Variants in TMEM59L observed in about 807,000 individuals in gnomAD.
TMEM59L encodes the protein transmembrane protein 59 like.
In TMEM59L, 31 loss-of-function variants were observed where a neutral mutation model predicts 39.6. The observed-to-expected ratio is 0.78, with a 90% CI of 0.59 to 1.06. The LOEUF is 1.06. Ranked by LOEUF, TMEM59L falls within the 50% of genes least tolerant of loss-of-function variation. TMEM59L has a pLI of 0.00. For synonymous variants in TMEM59L, 219 were observed against 202.9 expected (o/e 1.08, Z -0.68); for missense variants, 441 against 451.3 (o/e 0.98, Z 0.21).
chr19:18,613,836 C>T, intron 1 of TMEM59L, 36 bp from the exon 2 acceptor site: 1 of 1,579,846 alleles, frequency 6.3e-7, no homozygotes, highest in South Asian at 1.1e-5. Flanking sequence ...CCTGCCCCTC[C>T]CCATGGCCTG....
chr19:18,619,597 G>C (rs1236536359), intron 7 of TMEM59L, among the ~76,000 whole-genome samples: 2 of 151,852 alleles, frequency 1.3e-5, no homozygotes, highest in Non-Finnish European at 2.9e-5. Flanking sequence ...GAGGTCAAGA[G>C]ATTGAGACCA....
intron 2 of TMEM59L, 34 bp downstream of exon 2, chr19:18,614,050 G>T: frequency 6.2e-7 from 1 of 1,613,064 alleles, no homozygotes. Context: ...GCCAGCGTGG[G>T]GAGAGGTGGC....
chr19:18,618,435 G>A lies in TMEM59L; in HGVS notation c.843G>A (p.Met281Ile). 1 of 1,608,348 alleles carries A rather than the reference G, an allele frequency of 6.2e-7. No homozygotes were observed. Among genetic ancestry groups the A allele is most frequent in the Non-Finnish European group, 8.5e-7 (1 of 1,179,218 alleles). Residue 281 changes from methionine (M) to isoleucine (I), a missense_variant, in exon 7 of 8, where the codon ATG becomes ATA. Coordinates refer to ENST00000262817, the MANE Select transcript of TMEM59L (RefSeq NM_012109.3). ...ACCLFLSVLV[M>I]LWLSCSTLVT... is the part of the protein sequence containing the mutation. Reference sequence around the variant, plus strand: ...GCCTCTTCCTCTCCGTGCTGGTGATGCTGTGGCTGAGCTGCTCCACCCTGG... The same window carrying A: ...GCCTCTTCCTCTCCGTGCTGGTGATACTGTGGCTGAGCTGCTCCACCCTGG...
At chr19:18,620,020 C>CAA (rs1186720019) in intron 7 of TMEM59L, among the ~76,000 whole-genome samples, 1 of 125,420 alleles carries the variant, frequency 8.0e-6, no homozygotes. Context: ...CACACACACA[C>CAA]AAAAGTCCAG....
At chr19:18,617,813 G>T in intron 5 of TMEM59L, 1 of 403,826 alleles carries the variant, frequency 2.5e-6, no homozygotes, top group Non-Finnish European at 4.6e-6. Context: ...ATCTCCTAAG[G>T]GTCATCTCCT....
intron 5 of TMEM59L, 36 bp downstream of exon 5, chr19:18,617,138 G>A (rs772227425): frequency 6.5e-7 from 1 of 1,533,812 alleles, no homozygotes; most frequent in Non-Finnish European, 9.0e-7. Context: ...CCTTCCATGG[G>A]TGGCCCCACT....
chr19:18,615,363 A>T (rs1008011225), intron 3 of TMEM59L, among the ~76,000 whole-genome samples: 1 of 152,208 alleles, frequency 6.6e-6, no homozygotes, highest in Non-Finnish European at 1.5e-5. Flanking sequence ...ACTACGCATT[A>T]AGTGCCTGTG....
chr19:18,612,974 C>G lies in TMEM59L; in HGVS notation c.16C>G (p.Leu6Val). MAAVA[L>V]MPPPLLLLLL... ...CCGCCCGGCCATGGCTGCGGTGGCG[C>G]TGATGCCACCGCCGCTGCTGCTGCT... Residue 6 changes from leucine to valine, a missense_variant, in exon 1 of 8, where the codon CTG becomes GTG. Physicochemically the swap from Leu to Val is conservative, Grantham distance 32 (BLOSUM62 1). Transcript: ENST00000262817. The surrounding 1 kb of genome is among the most constrained non-coding windows in gnomAD (Gnocchi z 6.2). 1 of 1,342,332 alleles carries G rather than the reference C, an allele frequency of 7.4e-7. No individual in the cohort carries two copies. The highest frequency in any genetic ancestry group is 9.5e-7 in the Non-Finnish European group (1 of 1,050,654). 83.2% of individuals were successfully genotyped at this position (1,342,332 alleles called of 1,614,324 possible).
chr19:18,617,232 C>A, intron 5 of TMEM59L, 130 bp downstream of exon 5: 1 of 736,086 alleles, frequency 1.4e-6, no homozygotes, highest in Non-Finnish European at 2.4e-6. Flanking sequence ...GCTCATCCCC[C>A]AGGTCTCCAT....
chr19:18,619,911 G>T (rs914409559), intron 7 of TMEM59L, among the ~76,000 whole-genome samples: 3 of 151,196 alleles, frequency 2.0e-5, no homozygotes, highest in African/African-American at 7.3e-5. Flanking sequence ...CTGAGAGTTC[G>T]AAGCTGCAGT....
chr19:18,618,148 C>G lies in TMEM59L; in HGVS notation c.665-7C>G, dbSNP rs199879621. ...TGGTGGTCGCTGAGTGGCAGCTGAT[C>G]TCTCAGACCCTGTAGGCCCCCTGGA... On this transcript the variant is annotated splice_region_variant and splice_polypyrimidine_tract_variant and intron_variant, in intron 5 of 7. Transcript: ENST00000262817. 6 of 1,611,182 alleles carry G rather than the reference C, an allele frequency of 3.7e-6. No homozygotes were observed. Among genetic ancestry groups the G allele is most frequent in the Middle Eastern group, 3.3e-4 (2 of 6,056 alleles).
At position 18,616,038 on chromosome 19, in the gene TMEM59L, A is replaced by C. The variant is rs1976423874; in HGVS notation, c.472A>C (p.Asn158His). 6.2e-7 allele frequency: 1 copy of C among 1,614,098 alleles called. No individual in the cohort carries two copies. Among genetic ancestry groups the C allele is most frequent in the Non-Finnish European group, 8.5e-7 (1 of 1,180,004 alleles). The change falls in exon 4 of 8, where the codon AAT (asparagine) becomes CAT (histidine). Residue 158 changes from asparagine to histidine, a missense_variant. Transcript: ENST00000262817. Reference protein sequence around the residue: ...SLLDLFSTLCNDLVNSAQGFV... With the variant: ...SLLDLFSTLCHDLVNSAQGFV... Reference sequence around the variant, plus strand: ...CTTGGACTTGTTTTCCACCCTCTGCAATGACCTTGTCAACTCAGCCCAGGG... The same window carrying C: ...CTTGGACTTGTTTTCCACCCTCTGCCATGACCTTGTCAACTCAGCCCAGGG...
intron 4 of TMEM59L, among the ~76,000 whole-genome samples, 154 bp downstream of exon 4, chr19:18,616,281 C>T (rs1470121271): frequency 6.6e-6 from 1 of 152,168 alleles, no homozygotes; most frequent in Non-Finnish European, 1.5e-5. Flanking sequence ...TCACTCCATG[C>T]CTTGACTCTG....
At position 18,616,063 on chromosome 19, in the gene TMEM59L, G is replaced by A; in HGVS notation, c.497G>A (p.Gly166Glu). 6.2e-7 allele frequency: 1 copy of A among 1,614,128 alleles called. No individual in the cohort carries two copies. Among genetic ancestry groups the A allele is most frequent in the East Asian group, 2.2e-5 (1 of 44,872 alleles). Residue 166 changes from glycine (G) to glutamate (E), a missense_variant, in exon 4 of 8, where the codon GGA becomes GAA. Physicochemically the swap from Gly to Glu is moderately conservative, Grantham distance 98. Transcript: ENST00000262817. ...AATGACCTTGTCAACTCAGCCCAGG[G>A]ATTTGTCTCCTCCACCTGGACATAC... Reference protein sequence around the residue: ...LCNDLVNSAQGFVSSTWTYYL... With the variant: ...LCNDLVNSAQEFVSSTWTYYL...
At chr19:18,617,274 C>T (rs926817960) in intron 5 of TMEM59L, 172 bp downstream of exon 5, 7 of 689,276 alleles carry the variant, frequency 1.0e-5, no homozygotes, top group Non-Finnish European at 1.9e-5. Flanking sequence ...TGGTCCACCT[C>T]CCAGGGTTCC....
At chr19:18,615,748 C>T (rs187609118) in intron 3 of TMEM59L, among the ~76,000 whole-genome samples, 1 of 152,324 alleles carries the variant, frequency 6.6e-6, no homozygotes, top group African/African-American at 2.4e-5. Context: ...GCTGAGATTC[C>T]AGGCGTGCGC....
intron 3 of TMEM59L, 70 bp downstream of exon 3, chr19:18,614,265 T>C: frequency 6.7e-7 from 1 of 1,493,514 alleles, no homozygotes; most frequent in Non-Finnish European, 9.0e-7. Context: ...GTGGGAAATC[T>C]TCATTCACGT....
In TMEM59L at chr19:18,615,991, C is replaced by G; in HGVS notation, c.425C>G (p.Ala142Gly). 1 of 1,613,926 alleles carries G rather than the reference C, an allele frequency of 6.2e-7. No homozygotes were observed. Among genetic ancestry groups the G allele is most frequent in the Non-Finnish European group, 8.5e-7 (1 of 1,179,900 alleles). ...TTTCACCAGAGAAAGGTCCTGGAGG[C>G]TCCAAGTGGGGCCCTCTCCCTCTTG... Reference protein sequence around the residue: ...EPEQKRKVLEAPSGALSLLDL... With the variant: ...EPEQKRKVLEGPSGALSLLDL... The change falls in exon 4 of 8, where the codon GCT becomes GGT. Residue 142 changes from alanine to glycine, a missense_variant. By Grantham distance (60) the Ala-to-Gly change is moderately conservative. Coordinates refer to ENST00000262817, the MANE Select transcript of TMEM59L (RefSeq NM_012109.3).
rs1251544640 is a variant in TMEM59L, at chr19:18,613,016, C to T, written c.58C>T (p.Pro20Ser). ...PLLLLLLLAS[P>S]PAASAPSARD... ...GCTGCTGCTGCTGCTGTTGGCGTCG[C>T]CGCCCGCCGCCTCCGCGCCGTCCGC... is the stretch of plus-strand genomic sequence containing the variant. Residue 20 changes from proline to serine, a missense_variant, in exon 1 of 8, where the codon CCG becomes TCG. Transcript: ENST00000262817. 2 of 1,385,900 alleles carry T rather than the reference C, an allele frequency of 1.4e-6. No individual in the cohort carries two copies. Among genetic ancestry groups the T allele is most frequent in the East Asian group, 3.1e-5 (1 of 32,446 alleles). 85.9% of individuals were successfully genotyped at this position (1,385,900 alleles called of 1,614,324 possible).
Sources: allele counts gnomAD v4.1 joint callset (sites outside exome capture counted in the v4.1 genomes callset), GRCh38; gene constraint gnomAD v4.1.1; non-coding constraint Gnocchi (gnomAD v3.1); transcripts MANE v1.5; gene names NCBI Gene and HGNC (gene_info 2026-07-23, HGNC 2026-07-21).